LUZP2: variants seen among roughly 807,000 people sequenced by gnomAD.
LUZP2 encodes the protein leucine zipper protein 2.
A neutral mutation model predicts 51.6 loss-of-function variants in LUZP2; 52 were observed. The observed-to-expected ratio is 1.01, with a 90% CI of 0.81 to 1.27. LUZP2 has a LOEUF of 1.27. Among genes scored for constraint, LUZP2 ranks in the 50% most tolerant of loss-of-function variants. The probability of loss-of-function intolerance (pLI) is 0.00; values close to 1 mark genes in which losing one functional copy is unlikely to be tolerated. For missense variants in LUZP2, 436 were observed against 395.4 expected (o/e 1.10, Z -0.87); for synonymous variants, 154 against 137.3 (o/e 1.12, Z -0.85).
chr11:24,940,116 T>G (rs2133847829), intron 7 of LUZP2, among the ~76,000 whole-genome samples: 1 of 152,220 alleles, frequency 6.6e-6, no homozygotes, highest in East Asian at 1.9e-4. Flanking sequence ...GATAATTATA[T>G]AGAAATATTT....
intron 2 of LUZP2, 73 bp from the exon 3 acceptor site, chr11:24,732,045 T>A: frequency 8.6e-7 from 1 of 1,163,724 alleles, no homozygotes; most frequent in Non-Finnish European, 1.3e-6. Flanking sequence ...TATCTAGTAC[T>A]CTAGAACCAA....
intron 1 of LUZP2, among the ~76,000 whole-genome samples, chr11:24,566,881 C>T (rs1564995388): frequency 3.7e-5 from 4 of 109,376 alleles, no homozygotes; most frequent in Non-Finnish European, 5.8e-5. Flanking sequence ...ATATTTATAA[C>T]ATATATACAT....
chr11:25,030,245 T>A (rs1456515126), intron 9 of LUZP2, among the ~76,000 whole-genome samples: 1 of 152,196 alleles, frequency 6.6e-6, no homozygotes, highest in Non-Finnish European at 1.5e-5. Context: ...GAATATTTAT[T>A]TCAAGGATAT....
chr11:24,557,699 AAGTTACATCTAATATTT>A (rs1156510640), intron 1 of LUZP2, among the ~76,000 whole-genome samples: 1 of 152,160 alleles, frequency 6.6e-6, no homozygotes, highest in African/African-American at 2.4e-5. Flanking sequence ...GTCTATGTCT[AAGTTACATCTAATATTT>A]ATAAATAAAT....
intron 9 of LUZP2, among the ~76,000 whole-genome samples, chr11:25,045,135 C>A: frequency 6.6e-6 from 1 of 150,628 alleles, no homozygotes; most frequent in Non-Finnish European, 1.5e-5. Flanking sequence ...TGCAGCACAC[C>A]AACATGGCAC....
intron 9 of LUZP2, among the ~76,000 whole-genome samples, chr11:25,029,579 T>C (rs1324727356): frequency 6.6e-6 from 1 of 151,664 alleles, no homozygotes; most frequent in African/African-American, 2.4e-5. Flanking sequence ...TCTGCTAAAA[T>C]TACAAAAATT....
At chr11:24,892,800 C>A (rs905610323) in intron 5 of LUZP2, 1 of 152,166 alleles carries the variant, frequency 6.6e-6, no homozygotes, top group African/African-American at 2.4e-5. Context: ...TGTATAACAA[C>A]ATAAGAATAA....
At chr11:24,741,344 T>C (rs1859132776) in intron 4 of LUZP2, among the ~76,000 whole-genome samples, 1 of 152,052 alleles carries the variant, frequency 6.6e-6, no homozygotes, top group South Asian at 2.1e-4. Context: ...TACTAGATGG[T>C]GAGGTTTTTC....
intron 5 of LUZP2, among the ~76,000 whole-genome samples, chr11:24,866,609 C>T (rs1851905007): frequency 6.6e-6 from 1 of 152,018 alleles, no homozygotes. Context: ...ATGTGCAAAG[C>T]ACTATGCTAC....
chr11:24,715,263 A>ATGTGTG (rs58368050), intron 1 of LUZP2, among the ~76,000 whole-genome samples: 6,876 of 133,632 alleles, frequency 0.051, 225 homozygotes, highest in Admixed American at 0.071. Context: ...AGGAGCAACT[A>ATGTGTG]TGTGTGTGTG....
At chr11:24,984,544 A>ATG (rs1856135017) in intron 9 of LUZP2, among the ~76,000 whole-genome samples, 5 of 106,290 alleles carry the variant, frequency 4.7e-5, no homozygotes, top group Non-Finnish European at 9.1e-5. Flanking sequence ...ATATATATAT[A>ATG]TATATAATTG....
At position 24,718,506 on chromosome 11, in the gene LUZP2, G is replaced by A. The variant is rs553332909; in HGVS notation, c.63-10663G>A. ...GTCATCCATGAATCTTATCTAGCTC[G>A]TATGGCAAGGACAGTATTTTGCATT... On this transcript the variant is annotated intron_variant, in intron 1 of 11. Coordinates refer to ENST00000336930, the MANE Select transcript of LUZP2 (RefSeq NM_001009909.4). Among the ~76,000 whole-genome samples the A allele has an allele frequency of 3.3e-5, 5 of 152,174 alleles. No homozygotes were observed. In the East Asian group the frequency reaches 5.8e-4, roughly 18 times the overall value.
At chr11:24,927,933 T>A (rs898140570) in intron 7 of LUZP2, among the ~76,000 whole-genome samples, 1 of 152,098 alleles carries the variant, frequency 6.6e-6, no homozygotes, top group African/African-American at 2.4e-5. Context: ...TTTGTAGTTT[T>A]CCTTGTAGAG....
chr11:24,694,604 A>G (rs1173674672), intron 1 of LUZP2, among the ~76,000 whole-genome samples: 1 of 152,134 alleles, frequency 6.6e-6, no homozygotes, highest in Non-Finnish European at 1.5e-5. Context: ...TCATTCTGCT[A>G]TAAAGACACG....
intron 1 of LUZP2, among the ~76,000 whole-genome samples, chr11:24,725,978 C>T (rs947774976): frequency 6.6e-6 from 1 of 152,110 alleles, no homozygotes; most frequent in African/African-American, 2.4e-5. Context: ...AGATCCTTCT[C>T]TCACAGCCCT....
intron 1 of LUZP2, among the ~76,000 whole-genome samples, chr11:24,686,770 A>G (rs1856908331): frequency 1.3e-5 from 2 of 152,162 alleles, no homozygotes; most frequent in African/African-American, 4.8e-5. Flanking sequence ...GGTGAATACT[A>G]TATAATTTTT....
At chr11:24,671,137 G>C (rs1341457738) in intron 1 of LUZP2, among the ~76,000 whole-genome samples, 2 of 151,638 alleles carry the variant, frequency 1.3e-5, no homozygotes, top group Non-Finnish European at 2.9e-5. Context: ...ATTAATTTAG[G>C]TTTGATAGAA....
chr11:24,602,124 A>ATG (rs1403530250), intron 1 of LUZP2, among the ~76,000 whole-genome samples: 2 of 114,774 alleles, frequency 1.7e-5, no homozygotes, highest in African/African-American at 3.5e-5. Context: ...ATATGTATAT[A>ATG]TGTATATGTG....
chr11:24,917,751 C>G (rs901664566), intron 7 of LUZP2, among the ~76,000 whole-genome samples: 4 of 152,020 alleles, frequency 2.6e-5, no homozygotes, highest in Non-Finnish European at 4.4e-5. Flanking sequence ...TGTAGTATAA[C>G]TTTAAGTCAG....
Sources: allele counts gnomAD v4.1 joint callset (sites outside exome capture counted in the v4.1 genomes callset), GRCh38; gene constraint gnomAD v4.1.1; transcripts MANE v1.5; gene names NCBI Gene and HGNC (gene_info 2026-07-23, HGNC 2026-07-21).